The following ZNF385D variants were observed in gnomAD, a reference collection of about 807,000 sequenced individuals.
The protein encoded by ZNF385D is zinc finger protein 385D, also known as zinc finger protein 659.
In ZNF385D, 15 loss-of-function variants were observed where a neutral mutation model predicts 35.8. The ratio of observed to expected loss-of-function variants is 0.42; its 90% CI spans 0.28 to 0.64. The LOEUF (loss-of-function observed/expected upper bound fraction) is 0.64. Among genes scored for constraint, ZNF385D ranks in the 30% least tolerant of loss-of-function variants. The pLI is 0.23. For missense variants in ZNF385D, 474 were observed against 494.6 expected, an observed-to-expected ratio of 0.96 and a Z score of 0.39; for synonymous variants, 212 against 186.8, an observed-to-expected ratio of 1.13 and a Z score of -1.10.
At chr3:21,998,141 A>T (rs1695600283) in intron 3 of ZNF385D, among the ~76,000 whole-genome samples, 1 of 152,154 alleles carries the variant, frequency 6.6e-6, no homozygotes, top group African/African-American at 2.4e-5. Context: ...ATATGGTTCC[A>T]GGAACTTCCT....
chr3:22,323,498 A>C (rs2125448707), intron 2 of ZNF385D, among the ~76,000 whole-genome samples: 1 of 152,334 alleles, frequency 6.6e-6, no homozygotes, highest in South Asian at 2.1e-4. Flanking sequence ...AATAATGCTA[A>C]CACATTGAGG....
intron 2 of ZNF385D, among the ~76,000 whole-genome samples, chr3:22,202,156 A>G (rs1696840217): frequency 6.6e-6 from 1 of 152,112 alleles, no homozygotes; most frequent in Non-Finnish European, 1.5e-5. Flanking sequence ...ATTCATAGTT[A>G]ACTATTACTA....
intron 2 of ZNF385D, among the ~76,000 whole-genome samples, chr3:22,356,243 T>C (rs1696142968): frequency 1.3e-5 from 2 of 151,980 alleles, no homozygotes; most frequent in African/African-American, 4.8e-5. Context: ...TGCCTTATTA[T>C]TGGGCATTTT....
intron 3 of ZNF385D, among the ~76,000 whole-genome samples, chr3:21,974,221 C>G (rs941545601): frequency 2.0e-5 from 3 of 151,966 alleles, no homozygotes; most frequent in Non-Finnish European, 4.4e-5. Context: ...GGCATATAAA[C>G]AGACATATAG....
At chr3:22,124,025 C>T (rs1286887986) in intron 3 of ZNF385D, among the ~76,000 whole-genome samples, 1 of 142,874 alleles carries the variant, frequency 7.0e-6, no homozygotes, top group African/African-American at 2.6e-5. Context: ...CAAGCAACTG[C>T]TAGGTCTTAT....
intron 2 of ZNF385D, among the ~76,000 whole-genome samples, chr3:22,368,398 C>T (rs113108777): frequency 0.013 from 1,928 of 152,266 alleles, 39 homozygotes; most frequent in African/African-American, 0.044. Context: ...TTCATCTCTG[C>T]CCCTGGGTGT....
intron 3 of ZNF385D, among the ~76,000 whole-genome samples, chr3:22,091,898 T>C (rs1444836362): frequency 2.0e-5 from 3 of 152,226 alleles, no homozygotes; most frequent in East Asian, 3.8e-4. Flanking sequence ...ATAGAGTATT[T>C]AGTGGAACTG....
chr3:21,950,950 C>T (rs543656195), intron 3 of ZNF385D, among the ~76,000 whole-genome samples: 1 of 151,692 alleles, frequency 6.6e-6, no homozygotes, highest in Admixed American at 6.6e-5. Flanking sequence ...TTACTGTAGC[C>T]TTGTAGTATA....
intron 2 of ZNF385D, among the ~76,000 whole-genome samples, chr3:21,582,082 G>A (rs1399708531): frequency 6.6e-6 from 1 of 152,140 alleles, no homozygotes; most frequent in Non-Finnish European, 1.5e-5. Context: ...AAAGGAAACT[G>A]AGGAAAAACC....
chr3:22,365,106 G>A (rs577140899), intron 2 of ZNF385D, among the ~76,000 whole-genome samples: 2 of 151,968 alleles, frequency 1.3e-5, no homozygotes, highest in East Asian at 3.9e-4. Context: ...GAAGAATGGG[G>A]AACAACTGTT....
At chr3:22,157,625 A>G (rs1403624435) in intron 3 of ZNF385D, among the ~76,000 whole-genome samples, 2 of 152,100 alleles carry the variant, frequency 1.3e-5, no homozygotes, top group African/African-American at 4.8e-5. Flanking sequence ...CAGTTTTTTA[A>G]CCTCTTATGC....
At chr3:21,739,779 G>A (rs2125518417) in intron 1 of ZNF385D, among the ~76,000 whole-genome samples, 1 of 152,288 alleles carries the variant, frequency 6.6e-6, no homozygotes, top group South Asian at 2.1e-4. Context: ...CTTCTTTTCA[G>A]TAATGGAAGG....
chr3:21,956,868 G>T (rs554999448), intron 3 of ZNF385D, among the ~76,000 whole-genome samples: 73 of 151,770 alleles, frequency 4.8e-4, no homozygotes, highest in Admixed American at 1.6e-3. Flanking sequence ...TCTCCATCAG[G>T]TGATCCAATT....
chr3:21,926,632 C>T (rs1037970800), intron 3 of ZNF385D, among the ~76,000 whole-genome samples: 24 of 151,988 alleles, frequency 1.6e-4, no homozygotes, highest in Admixed American at 3.9e-4. Context: ...TTCCTTACAC[C>T]TTATACAAAA....
At chr3:21,709,781 T>C (rs796635813) in intron 1 of ZNF385D, among the ~76,000 whole-genome samples, 12 of 152,314 alleles carry the variant, frequency 7.9e-5, no homozygotes, top group African/African-American at 2.9e-4. Flanking sequence ...AATATATGAC[T>C]CAGCTGTCCC....
At chr3:22,344,766 G>A (rs138048517) in intron 2 of ZNF385D, among the ~76,000 whole-genome samples, 1 of 152,080 alleles carries the variant, frequency 6.6e-6, no homozygotes, top group Non-Finnish European at 1.5e-5. Context: ...TGTTTGTAAA[G>A]ATTAAGTATA....
rs11368837 is a variant in ZNF385D, at chr3:22,255,271, T to TCCC, written c.107-86239_107-86237dup. 7.3e-5 allele frequency among the ~76,000 whole-genome samples: 11 copies of TCCC among 150,026 alleles called. No individual in the cohort carries two copies. In the South Asian group the frequency reaches 1.1e-3, roughly 14 times the overall value. The stretch of plus-strand genomic sequence containing the variant: ...TGACACTGATTTTGTTATCATGTAT[T>TCCC]CCCCCCCCCAAAATTGTGTCCTAAA... On this transcript the variant is annotated intron_variant, in intron 2 of 5. Coordinates refer to the ZNF385D transcript ENST00000494108.
At chr3:21,694,552 T>C (rs1019287953) in intron 1 of ZNF385D, among the ~76,000 whole-genome samples, 2 of 152,192 alleles carry the variant, frequency 1.3e-5, no homozygotes, top group African/African-American at 4.8e-5. Flanking sequence ...TTCTTGGATC[T>C]TGCAGCATCC....
At chr3:21,923,877 G>A (rs145558368) in intron 3 of ZNF385D, among the ~76,000 whole-genome samples, 14 of 152,206 alleles carry the variant, frequency 9.2e-5, no homozygotes, top group African/African-American at 1.7e-4. Context: ...ACTAACTCTT[G>A]AGTTAACCTC....
Sources: gnomAD v4.1 joint callset for allele counts (sites outside exome capture counted in the v4.1 genomes callset) on GRCh38, gnomAD v4.1.1 for gene constraint, MANE v1.5 for transcripts, NCBI Gene and HGNC (gene_info 2026-07-23, HGNC 2026-07-21) for gene names.